The following SYNDIG1 variants were observed in gnomAD, a reference collection of about 807,000 sequenced individuals.
SYNDIG1 encodes the protein synapse differentiation inducing 1.
In SYNDIG1, 9 loss-of-function variants were observed where a neutral mutation model predicts 19.4. The observed-to-expected ratio is 0.46, with a 90% CI of 0.28 to 0.81. The LOEUF is 0.81. Ranked by LOEUF, SYNDIG1 falls within the 30% of genes least tolerant of loss-of-function variation. The pLI is 0.12. For missense variants in SYNDIG1, 311 were observed against 343.3 expected, an observed-to-expected ratio of 0.91 and a Z score of 0.74; for synonymous variants, 141 against 145.9, an observed-to-expected ratio of 0.97 and a Z score of 0.24.
intron 1 of SYNDIG1, among the ~76,000 whole-genome samples, chr20:24,504,700 C>T (rs888813775): frequency 2.0e-5 from 3 of 152,198 alleles, no homozygotes; most frequent in African/African-American, 7.2e-5. Context: ...GAAGGCCAGT[C>T]ACGAGGGAAC....
At chr20:24,580,622 G>A (rs185682817) in intron 2 of SYNDIG1, among the ~76,000 whole-genome samples, 3 of 152,042 alleles carry the variant, frequency 2.0e-5, no homozygotes, top group East Asian at 1.9e-4. Context: ...TTGCCCAGGC[G>A]GGTCTCGAAC....
intron 2 of SYNDIG1, among the ~76,000 whole-genome samples, chr20:24,544,989 G>A (rs1052766321): frequency 7.2e-5 from 11 of 152,158 alleles, no homozygotes; most frequent in African/African-American, 2.7e-4. Flanking sequence ...GAAAGCAATA[G>A]GGAGGAAGTT....
intron 1 of SYNDIG1, among the ~76,000 whole-genome samples, chr20:24,538,641 G>A (rs569355876): frequency 1.2e-4 from 18 of 152,182 alleles, no homozygotes; most frequent in Non-Finnish European, 1.6e-4. Context: ...TGGACCATAC[G>A]GTAATTCTAT....
intron 3 of SYNDIG1, among the ~76,000 whole-genome samples, chr20:24,600,594 CA>C (rs371281528): frequency 3.9e-4 from 59 of 149,670 alleles, no homozygotes; most frequent in African/African-American, 1.5e-3. Context: ...TTCATGTCTT[CA>C]TCTTTCTTTC....
intron 1 of SYNDIG1, among the ~76,000 whole-genome samples, chr20:24,529,836 AC>A (rs1568614283): frequency 1.3e-5 from 2 of 151,072 alleles, no homozygotes; most frequent in Admixed American, 1.3e-4. Context: ...GGGGATGGTG[AC>A]GGTGGTACTC....
chr20:24,481,236 A>G (rs951971942), intron 1 of SYNDIG1, among the ~76,000 whole-genome samples: 9 of 152,122 alleles, frequency 5.9e-5, no homozygotes, highest in Admixed American at 3.3e-4. Flanking sequence ...TGCCCCCAAA[A>G]CTCAGTGTTC....
chr20:24,597,428 C>T (rs116660543), intron 3 of SYNDIG1, among the ~76,000 whole-genome samples: 4,617 of 152,182 alleles, frequency 0.03, 147 homozygotes, highest in African/African-American at 0.083. Context: ...GCATTTCTTC[C>T]ACTTTTTTCG....
At chr20:24,564,326 T>C (rs1218520904) in intron 2 of SYNDIG1, among the ~76,000 whole-genome samples, 1 of 152,216 alleles carries the variant, frequency 6.6e-6, no homozygotes, top group African/African-American at 2.4e-5. Context: ...GAGTGCACAT[T>C]AAAATCCAAA....
chr20:24,513,460 G>A (rs975131261), intron 1 of SYNDIG1, among the ~76,000 whole-genome samples: 1 of 152,148 alleles, frequency 6.6e-6, no homozygotes, highest in African/African-American at 2.4e-5. Context: ...ACCATGGCAC[G>A]AGAACTATGT....
chr20:24,495,636 G>A (rs550916889), intron 1 of SYNDIG1: 1 of 152,232 alleles, frequency 6.6e-6, no homozygotes, highest in African/African-American at 2.4e-5. Flanking sequence ...AAGTGCCTTG[G>A]GGATTTATTT....
At chr20:24,556,873 T>G (rs1437176665) in intron 2 of SYNDIG1, among the ~76,000 whole-genome samples, 2 of 152,248 alleles carry the variant, frequency 1.3e-5, no homozygotes, top group African/African-American at 4.8e-5. Flanking sequence ...ATTGGGGAAG[T>G]TCTCCTGGAT....
At chr20:24,474,235 C>T (rs2055552972) in intron 1 of SYNDIG1, among the ~76,000 whole-genome samples, 1 of 152,130 alleles carries the variant, frequency 6.6e-6, no homozygotes, top group Admixed American at 6.5e-5. Context: ...AGACCACCAC[C>T]CTCCATTTAT....
chr20:24,593,558 A>G (rs532457946), intron 3 of SYNDIG1, among the ~76,000 whole-genome samples: 1 of 152,182 alleles, frequency 6.6e-6, no homozygotes, highest in African/African-American at 2.4e-5. Context: ...ATACCCAGTG[A>G]TGGAATTGCT....
chr20:24,542,604 T>C (rs529798634), intron 1 of SYNDIG1, among the ~76,000 whole-genome samples: 1 of 152,344 alleles, frequency 6.6e-6, no homozygotes, highest in East Asian at 1.9e-4. Flanking sequence ...AATTTCCTGC[T>C]TGAATGAACA....
At chr20:24,660,284 G>T (rs565694536) in intron 3 of SYNDIG1, among the ~76,000 whole-genome samples, 1 of 152,162 alleles carries the variant, frequency 6.6e-6, no homozygotes, top group Non-Finnish European at 1.5e-5. Flanking sequence ...TTGTTGTTGC[G>T]TGATGTATCT....
intron 1 of SYNDIG1, among the ~76,000 whole-genome samples, chr20:24,512,466 T>G (rs2056768898): frequency 6.6e-6 from 1 of 151,912 alleles, no homozygotes; most frequent in South Asian, 2.1e-4. Flanking sequence ...CCAAGGGTCT[T>G]AGCAAACGGC....
intron 1 of SYNDIG1, among the ~76,000 whole-genome samples, chr20:24,542,298 A>G (rs1166146248): frequency 1.3e-5 from 2 of 152,248 alleles, no homozygotes; most frequent in Non-Finnish European, 2.9e-5. Context: ...CAAAATGTGC[A>G]CTGTACACTG....
At chr20:24,598,444 A>G (rs1269043773) in intron 3 of SYNDIG1, among the ~76,000 whole-genome samples, 1 of 152,262 alleles carries the variant, frequency 6.6e-6, no homozygotes, top group East Asian at 1.9e-4. Flanking sequence ...GTTTTATTTC[A>G]TCTTCAAGAG....
At chr20:24,532,497 T>C (rs554368548) in intron 1 of SYNDIG1, among the ~76,000 whole-genome samples, 1 of 152,344 alleles carries the variant, frequency 6.6e-6, no homozygotes, top group African/African-American at 2.4e-5. Context: ...GACAGGAATG[T>C]TCTGGAATCA....
Sources: gnomAD v4.1 joint callset for allele counts (sites outside exome capture counted in the v4.1 genomes callset) on GRCh38, gnomAD v4.1.1 for gene constraint, MANE v1.5 for transcripts, NCBI Gene and HGNC (gene_info 2026-07-23, HGNC 2026-07-21) for gene names.